CTNNA2: variants seen among roughly 807,000 people sequenced by gnomAD.
The protein encoded by CTNNA2 is catenin alpha-2.
CTNNA2 carries 42 observed loss-of-function variants against 101.0 expected under a neutral mutation model. That is an observed-to-expected ratio of 0.42 (90% CI 0.32 to 0.54). The LOEUF is 0.54. Ranked by LOEUF, CTNNA2 falls within the 20% of genes least tolerant of loss-of-function variation. The pLI is 0.14. For missense variants in CTNNA2, 871 were observed against 1,223.1 expected (o/e 0.71, Z 4.29); for synonymous variants, 450 against 456.4 (o/e 0.99, Z 0.18).
intron 7 of CTNNA2, among the ~76,000 whole-genome samples, chr2:80,326,857 G>C (rs1383407153): frequency 6.6e-6 from 1 of 151,924 alleles, no homozygotes; most frequent in Admixed American, 6.6e-5. Flanking sequence ...GTGATTTTTG[G>C]TCTCTCTGCT....
intron 7 of CTNNA2, among the ~76,000 whole-genome samples, chr2:80,134,510 A>G (rs142618282): frequency 1.3e-5 from 2 of 152,282 alleles, no homozygotes; most frequent in African/African-American, 2.4e-5. Flanking sequence ...AACTTCATCC[A>G]TGTGACCCTG....
At chr2:79,235,245 A>C (rs949034526) in intron 2 of CTNNA2, among the ~76,000 whole-genome samples, 3 of 152,116 alleles carry the variant, frequency 2.0e-5, no homozygotes, top group Admixed American at 6.5e-5. Flanking sequence ...CAAAGTGTTT[A>C]TTTGTGGCTG....
chr2:80,014,738 G>T (rs904001749), intron 7 of CTNNA2, among the ~76,000 whole-genome samples: 1 of 152,168 alleles, frequency 6.6e-6, no homozygotes, highest in Non-Finnish European at 1.5e-5. Context: ...CAACAGTCAT[G>T]AAACAAAGAA....
chr2:80,184,828 G>A (rs758021285), intron 7 of CTNNA2, among the ~76,000 whole-genome samples: 11 of 152,100 alleles, frequency 7.2e-5, no homozygotes, highest in African/African-American at 1.2e-4. Context: ...TAATTTCTTC[G>A]CTAATGCAAT....
At chr2:80,626,264 G>A (rs899775340) in intron 18 of CTNNA2, among the ~76,000 whole-genome samples, 25 of 152,046 alleles carry the variant, frequency 1.6e-4, no homozygotes, top group Non-Finnish European at 3.5e-4. Flanking sequence ...GGAGAGTAGA[G>A]TGAACACAGA....
At chr2:80,041,059 A>G (rs1696019576) in intron 7 of CTNNA2, among the ~76,000 whole-genome samples, 1 of 152,086 alleles carries the variant, frequency 6.6e-6, no homozygotes, top group Non-Finnish European at 1.5e-5. Flanking sequence ...TCTCCACAAT[A>G]TTTTATAAAA....
At chr2:79,982,750 A>G (rs765569119) in intron 7 of CTNNA2, among the ~76,000 whole-genome samples, 1 of 152,020 alleles carries the variant, frequency 6.6e-6, no homozygotes, top group Non-Finnish European at 1.5e-5. Flanking sequence ...GCTTTCACCT[A>G]TTGATCTCCA....
At chr2:80,408,391 C>A (rs1679252823) in intron 8 of CTNNA2, among the ~76,000 whole-genome samples, 1 of 152,146 alleles carries the variant, frequency 6.6e-6, no homozygotes, top group South Asian at 2.1e-4. Flanking sequence ...GCTCTTTAAC[C>A]ACACATTTTT....
At chr2:79,971,266 C>G (rs1347268088) in intron 7 of CTNNA2, among the ~76,000 whole-genome samples, 1 of 152,142 alleles carries the variant, frequency 6.6e-6, no homozygotes, top group African/African-American at 2.4e-5. Context: ...CAAAAATATA[C>G]TTTCTTTGAA....
intron 4 of CTNNA2, among the ~76,000 whole-genome samples, chr2:79,448,985 T>C (rs947655169): frequency 6.6e-6 from 1 of 152,008 alleles, no homozygotes; most frequent in African/African-American, 2.4e-5. Flanking sequence ...TTTGACTCAC[T>C]GTCAGTAGGT....
chr2:80,009,333 A>G (rs1484168218), intron 7 of CTNNA2, among the ~76,000 whole-genome samples: 1 of 152,148 alleles, frequency 6.6e-6, no homozygotes, highest in African/African-American at 2.4e-5. Flanking sequence ...ATTTTAAAGC[A>G]TAGCTTTCCA....
chr2:79,258,019 T>C (rs973192686), intron 2 of CTNNA2, among the ~76,000 whole-genome samples: 3 of 152,126 alleles, frequency 2.0e-5, no homozygotes, highest in African/African-American at 7.2e-5. Flanking sequence ...ATGGCCATCT[T>C]CTTACCAGGA....
chr2:80,366,307 G>A (rs911537568), intron 7 of CTNNA2, among the ~76,000 whole-genome samples: 30 of 152,246 alleles, frequency 2.0e-4, no homozygotes, highest in African/African-American at 7.0e-4. Flanking sequence ...GTAGAAGTTG[G>A]AAAAGCAGGG....
chr2:79,940,460 T>G (rs1327824757), intron 7 of CTNNA2, among the ~76,000 whole-genome samples: 1 of 152,206 alleles, frequency 6.6e-6, no homozygotes, highest in Non-Finnish European at 1.5e-5. Flanking sequence ...TTGCTGCTAT[T>G]ATAAATCTTT....
At chr2:79,996,973 C>T (rs144354775) in intron 7 of CTNNA2, among the ~76,000 whole-genome samples, 191 of 152,112 alleles carry the variant, frequency 1.3e-3, no homozygotes, top group African/African-American at 4.3e-3. Flanking sequence ...TGTGCCCTAG[C>T]GGATGGGAAA....
At chr2:79,682,410 CAAAAAA>C (rs10674928) in intron 2 of CTNNA2, among the ~76,000 whole-genome samples, 1 of 73,334 alleles carries the variant, frequency 1.4e-5, no homozygotes, top group African/African-American at 5.4e-5. Flanking sequence ...AACTCCATCT[CAAAAAA>C]AAAAAAAAAA....
chr2:80,152,239 A>C (rs1184357744), intron 7 of CTNNA2, among the ~76,000 whole-genome samples: 1 of 152,146 alleles, frequency 6.6e-6, no homozygotes, highest in Non-Finnish European at 1.5e-5. Context: ...GTGGAGACCC[A>C]GAACCTCTAA....
rs571607366 is a variant in CTNNA2, at chr2:79,874,447, C to G, written c.852+105C>G. ...ACTACAATAATTTACATTGATTTTT[C>G]TCTTTTGGAGGTTTTAATAGTAAGA... On this transcript the variant is annotated intron_variant, in intron 6 of 18. Transcript: ENST00000402739. The G allele has an allele frequency of 8.7e-6, 12 of 1,377,264 alleles. No individual in the cohort carries two copies. The East Asian group carries it at 2.5e-4, about 29-fold the overall frequency. The allele number at this position is 1,377,264 out of a possible 1,614,324, so 85.3% of individuals were successfully genotyped here.
intron 2 of CTNNA2, among the ~76,000 whole-genome samples, chr2:79,673,692 A>G (rs747304812): frequency 1.3e-5 from 2 of 152,084 alleles, no homozygotes; most frequent in East Asian, 3.9e-4. Flanking sequence ...TTTTTTTCCT[A>G]TTAGAGAAAG....
Sources: allele counts gnomAD v4.1 joint callset (sites outside exome capture counted in the v4.1 genomes callset), GRCh38; gene constraint gnomAD v4.1.1; transcripts MANE v1.5; gene names NCBI Gene and HGNC (gene_info 2026-07-23, HGNC 2026-07-21).